The following SLC13A1 variants were observed in gnomAD, a reference collection of about 807,000 sequenced individuals.
The protein encoded by SLC13A1 is solute carrier family 13 member 1, also known as Na(+)/sulfate cotransporter.
SLC13A1 carries 65 observed loss-of-function variants against 70.0 expected under a neutral mutation model. The observed-to-expected ratio is 0.93, with a 90% CI of 0.76 to 1.14. The LOEUF (loss-of-function observed/expected upper bound fraction) is 1.14. Among genes scored for constraint, SLC13A1 ranks in the 50% most tolerant of loss-of-function variants. The pLI is 0.00. For synonymous variants in SLC13A1, 275 were observed against 250.5 expected, an observed-to-expected ratio of 1.10 and a Z score of -0.92; for missense variants, 726 against 717.8, an observed-to-expected ratio of 1.01 and a Z score of -0.13.
In SLC13A1 at chr7:123,125,638, G is replaced by A. The variant is rs1793534187; in HGVS notation, c.1171C>T (p.Leu391Phe). 2.5e-6 allele frequency: 4 copies of A among 1,613,232 alleles called. No homozygotes were observed. Among genetic ancestry groups the A allele is most frequent in the Non-Finnish European group, 3.4e-6 (4 of 1,179,626 alleles). The change falls in exon 11 of 15, where the codon CTT becomes TTT. Residue 391 changes from leucine to phenylalanine, a missense_variant. Leu to Phe is a conservative substitution (Grantham distance 22, BLOSUM62 0). Transcript: ENST00000194130. ...ATAAGAAAGAATAGCAGCCCTATAA[G>A]TAAAGCAACAGTTGAATCTGTAGCA... is the stretch of plus-strand genomic sequence containing the variant. Reference protein sequence around the residue: ...GFATDSTVALLIGLLFFLIPA... With the variant: ...GFATDSTVALFIGLLFFLIPA...
At chr7:123,131,349 A>T (rs981378396) in intron 8 of SLC13A1, among the ~76,000 whole-genome samples, 2 of 152,164 alleles carry the variant, frequency 1.3e-5, no homozygotes, top group African/African-American at 4.8e-5. Context: ...GTAAAGAAGG[A>T]GATGAGTCTC....
Position 123,128,909 on chromosome 7 carries a change from T to C in SLC13A1, c.1069A>G (p.Met357Val), listed in dbSNP as rs1463283882. The C allele has an allele frequency of 6.2e-7, 1 of 1,613,542 alleles. No individual in the cohort carries two copies. The highest frequency in any genetic ancestry group is 8.5e-7 in the Non-Finnish European group (1 of 1,179,686). ...TCTCGACTAAACCATAGCAGAGCCA[T>C]TATAATGAAGAGGACCAAGGTCACA... Reference protein sequence around the residue: ...EIVTLVLFIIMALLWFSRDPG... With the variant: ...EIVTLVLFIIVALLWFSRDPG... The change falls in exon 10 of 15, where the codon ATG (methionine) becomes GTG (valine). Residue 357 changes from methionine to valine, a missense_variant. Coordinates refer to ENST00000194130, the MANE Select transcript of SLC13A1 (RefSeq NM_022444.4).
intron 8 of SLC13A1, among the ~76,000 whole-genome samples, chr7:123,131,258 C>A (rs1342582148): frequency 1.3e-5 from 2 of 151,902 alleles, no homozygotes; most frequent in African/African-American, 4.8e-5. Flanking sequence ...AAACTTTTAC[C>A]CCTTGTCATG....
chr7:123,125,176 T>C (rs1563318741), intron 11 of SLC13A1, among the ~76,000 whole-genome samples: 1 of 152,184 alleles, frequency 6.6e-6, no homozygotes, highest in Non-Finnish European at 1.5e-5. Flanking sequence ...CTCTTTCTCT[T>C]GAAATTCATC....
intron 7 of SLC13A1, among the ~76,000 whole-genome samples, chr7:123,143,227 T>A (rs10251971): frequency 1.1e-4 from 17 of 151,948 alleles, no homozygotes; most frequent in African/African-American, 3.6e-4. Context: ...TTAGCTGCCC[T>A]GTCTTTTGTC....
At chr7:123,168,682 C>T in intron 4 of SLC13A1, 121 bp from the exon 5 acceptor site, 2 of 688,608 alleles carry the variant, frequency 2.9e-6, no homozygotes, top group Non-Finnish European at 5.0e-6. Flanking sequence ...TCACTGTGTA[C>T]TAACATAACA....
intron 2 of SLC13A1, among the ~76,000 whole-genome samples, chr7:123,178,185 C>T (rs1411398254): frequency 6.6e-6 from 1 of 151,918 alleles, no homozygotes; most frequent in Non-Finnish European, 1.5e-5. Context: ...TTTAGTTCAA[C>T]AAATATGAGA....
Position 123,147,245 on chromosome 7 carries a change from C to G in SLC13A1, c.726G>C (p.Leu242Phe). ...CAATGGTAGAAGAGTAGGCAATGCA[C>G]AAACACGTAAGTTTACGTGTCACGT... ...KGHVTRKLTC[L>F]CIAYSSTIGG... is the part of the protein sequence containing the mutation. Residue 242 changes from leucine (L) to phenylalanine (F), a missense_variant, in exon 7 of 15, where the codon TTG (leucine) becomes TTC (phenylalanine). Physicochemically the swap from Leu to Phe is conservative, Grantham distance 22. Coordinates refer to ENST00000194130, the MANE Select transcript of SLC13A1 (RefSeq NM_022444.4). 6.2e-7 allele frequency: 1 copy of G among 1,613,708 alleles called. No individual in the cohort carries two copies. Among genetic ancestry groups the G allele is most frequent in the Non-Finnish European group, 8.5e-7 (1 of 1,179,820 alleles).
At chr7:123,193,312 T>TA (rs200816957) in intron 1 of SLC13A1, among the ~76,000 whole-genome samples, 54,317 of 149,400 alleles carry the variant, frequency 0.36, 9,978 homozygotes, top group South Asian at 0.41. Context: ...ATTTTATAAA[T>TA]AAAAAAAAAA....
intron 2 of SLC13A1, among the ~76,000 whole-genome samples, chr7:123,172,783 G>T (rs1477646802): frequency 1.3e-5 from 2 of 151,216 alleles, no homozygotes; most frequent in South Asian, 4.1e-4. Context: ...ATACATTTAG[G>T]TACATAATCT....
At chr7:123,131,269 A>T (rs1015764879) in intron 8 of SLC13A1, among the ~76,000 whole-genome samples, 1 of 152,208 alleles carries the variant, frequency 6.6e-6, no homozygotes, top group East Asian at 1.9e-4. Flanking sequence ...CCTTGTCATG[A>T]CATAAATACT....
chr7:123,119,363 C>G, intron 12 of SLC13A1, 121 bp from the exon 13 acceptor site: 1 of 770,398 alleles, frequency 1.3e-6, no homozygotes, highest in Non-Finnish European at 1.9e-6. Flanking sequence ...TAATTTTAAT[C>G]TCTCTTTTTT....
intron 3 of SLC13A1, among the ~76,000 whole-genome samples, chr7:123,170,956 A>ATT (rs11439544): frequency 2.3e-4 from 35 of 150,422 alleles, no homozygotes; most frequent in South Asian, 1.1e-3. Flanking sequence ...CGTCTGAGTC[A>ATT]TTTTTTTTTT....
At chr7:123,170,160 C>T (rs1426344615) in intron 3 of SLC13A1, among the ~76,000 whole-genome samples, 1 of 152,050 alleles carries the variant, frequency 6.6e-6, no homozygotes, top group Non-Finnish European at 1.5e-5. Flanking sequence ...CAGAAGCACA[C>T]CTTTCTATAT....
intron 1 of SLC13A1, among the ~76,000 whole-genome samples, chr7:123,187,287 C>T (rs972117624): frequency 6.6e-6 from 1 of 152,108 alleles, no homozygotes; most frequent in South Asian, 2.1e-4. Flanking sequence ...ATAGTATGGG[C>T]AGTTCCTCGT....
chr7:123,161,486 A>G (rs576085328), intron 6 of SLC13A1, among the ~76,000 whole-genome samples: 6 of 152,312 alleles, frequency 3.9e-5, no homozygotes, highest in South Asian at 4.1e-4. Flanking sequence ...TCTTAAATCC[A>G]GGAAAGTAAT....
At chr7:123,179,549 A>G (rs554194655) in intron 2 of SLC13A1, among the ~76,000 whole-genome samples, 1 of 152,250 alleles carries the variant, frequency 6.6e-6, no homozygotes, top group South Asian at 2.1e-4. Context: ...ATTGGCACCT[A>G]CAATTTTGCT....
chr7:123,147,411 C>G, intron 6 of SLC13A1, 101 bp from the exon 7 acceptor site: 1 of 1,336,076 alleles, frequency 7.5e-7, no homozygotes, highest in Non-Finnish European at 1.0e-6. Flanking sequence ...ATGTTGAAAC[C>G]CTAACTCCTG....
chr7:123,168,275 A>G, intron 6 of SLC13A1, 99 bp downstream of exon 6: 1 of 742,184 alleles, frequency 1.3e-6, no homozygotes, highest in Non-Finnish European at 2.2e-6. Flanking sequence ...AATTTATAGA[A>G]AAGGAAGCAA....
Sources: gnomAD v4.1 joint callset for allele counts (sites outside exome capture counted in the v4.1 genomes callset) on GRCh38, gnomAD v4.1.1 for gene constraint, MANE v1.5 for transcripts, NCBI Gene and HGNC (gene_info 2026-07-23, HGNC 2026-07-21) for gene names.